Variants in INTS7 observed in about 807,000 individuals in gnomAD.
The protein encoded by INTS7 is chromosome 1 open reading frame 73.
INTS7 carries 46 observed loss-of-function variants against 109.2 expected under a neutral mutation model. The ratio of observed to expected loss-of-function variants is 0.42; its 90% CI spans 0.33 to 0.54. INTS7 has a LOEUF of 0.54. INTS7 is among the 20% of genes least tolerant of loss of function. INTS7 has a pLI of 0.07. For missense variants in INTS7, 929 were observed against 1,132.4 expected (o/e 0.82, Z 2.58); for synonymous variants, 412 against 402.9 (o/e 1.02, Z -0.27).
intron 5 of INTS7, among the ~76,000 whole-genome samples, chr1:212,007,792 C>T (rs1375028297): frequency 6.6e-6 from 1 of 152,124 alleles, no homozygotes; most frequent in East Asian, 1.9e-4. Flanking sequence ...TACACAAACA[C>T]ACACACTTGA....
chr1:211,950,483 G>A (rs975018894), intron 17 of INTS7, among the ~76,000 whole-genome samples: 1 of 151,934 alleles, frequency 6.6e-6, no homozygotes, highest in Admixed American at 6.6e-5. Flanking sequence ...TGTTGGGCAT[G>A]CTAGTCTAGA....
At chr1:212,014,950 C>T (rs897635382) in intron 4 of INTS7, among the ~76,000 whole-genome samples, 6 of 152,224 alleles carry the variant, frequency 3.9e-5, no homozygotes, top group Non-Finnish European at 8.8e-5. Flanking sequence ...TGTGCCCGGC[C>T]GCCACCCCGT....
At position 211,974,270 on chromosome 1, in the gene INTS7, A is replaced by ATAT. The variant is rs1664306386; in HGVS notation, c.1815+895_1815+896insATA. 7.4e-4 allele frequency among the ~76,000 whole-genome samples: 75 copies of ATAT among 101,880 alleles called. 1 individual carries two copies. Among genetic ancestry groups the ATAT allele is most frequent in the African/African-American group, 2.7e-3 (72 of 27,042 alleles). The allele number at this position is 101,880 out of a possible 152,430, so 66.8% of individuals were successfully genotyped here. On this transcript the variant is annotated intron_variant, in intron 13 of 19. Transcript: ENST00000366994. ...AGGAAACAACAATCTCTTCCCAGAA[A>ATAT]AAAAAAATATATATATATATATATA...
intron 13 of INTS7, among the ~76,000 whole-genome samples, chr1:211,974,527 G>A (rs1354348837): frequency 2.6e-5 from 4 of 151,610 alleles, no homozygotes; most frequent in Non-Finnish European, 4.4e-5. Context: ...AATGTTTAAC[G>A]TTGATTATAT....
Position 211,946,398 on chromosome 1 carries a change from G to A in INTS7, c.2415+209C>T, listed in dbSNP as rs920864795. On this transcript the variant is annotated intron_variant, in intron 18 of 19. Coordinates refer to ENST00000366994, the MANE Select transcript of INTS7 (RefSeq NM_015434.4). This position sits in a 1 kb window ranked among gnomAD's most constrained non-coding sequence, Gnocchi z 4.3. ...CTTGGGAGGCTGAGGCAGGAGAATC[G>A]CTTGAACCCGGAGGTTGCGGTGAGC... is the stretch of plus-strand genomic sequence containing the variant. 1.1e-4 allele frequency among the ~76,000 whole-genome samples: 17 copies of A among 152,244 alleles called. No homozygotes were observed. The highest frequency in any genetic ancestry group is 1.6e-4 in the Non-Finnish European group (11 of 68,002).
At chr1:212,003,803 A>G (rs1229605984) in intron 7 of INTS7, among the ~76,000 whole-genome samples, 1 of 152,224 alleles carries the variant, frequency 6.6e-6, no homozygotes, top group Non-Finnish European at 1.5e-5. Context: ...GATAACAACT[A>G]AAAGAATATT....
intron 4 of INTS7, among the ~76,000 whole-genome samples, chr1:212,015,417 C>G (rs1009539205): frequency 1.3e-5 from 2 of 151,832 alleles, no homozygotes; most frequent in Non-Finnish European, 1.5e-5. Context: ...CCCCAACCCC[C>G]TGCTCTCTGA....
At chr1:212,024,571 C>G (rs1666840969) in intron 1 of INTS7, among the ~76,000 whole-genome samples, 2 of 152,118 alleles carry the variant, frequency 1.3e-5, no homozygotes, top group Non-Finnish European at 2.9e-5. Flanking sequence ...TGCAAATATT[C>G]ACAGCAGCTT....
Position 211,968,712 on chromosome 1 carries a change from G to GAAAAA in INTS7, c.1816-10_1816-6dup, listed in dbSNP as rs11322485. The GAAAAA allele has an allele frequency of 1.4e-6, 2 of 1,384,966 alleles. No individual in the cohort carries two copies. The highest frequency in any genetic ancestry group is 9.8e-7 in the Non-Finnish European group (1 of 1,016,102). 85.8% of individuals were successfully genotyped at this position (1,384,966 alleles called of 1,614,324 possible). On this transcript the variant is annotated splice_polypyrimidine_tract_variant and splice_region_variant and intron_variant, in intron 13 of 19. Coordinates refer to ENST00000366994, the MANE Select transcript of INTS7 (RefSeq NM_015434.4). ...ATTCAGTGGTGTACTAGCTGCCTGG[G>GAAAAA]AAAAAAAAAAAAAAGAGATATTTAA...
chr1:211,969,753 T>C (rs1664087604), intron 13 of INTS7, among the ~76,000 whole-genome samples: 1 of 150,578 alleles, frequency 6.6e-6, no homozygotes. Flanking sequence ...AGTTTCGCTC[T>C]TGTTGCCCAA....
chr1:211,962,946 C>T (rs1487454495), intron 16 of INTS7, among the ~76,000 whole-genome samples: 1 of 152,090 alleles, frequency 6.6e-6, no homozygotes, highest in Non-Finnish European at 1.5e-5. Context: ...TACAAAGTAA[C>T]ATCACAACTA....
intron 2 of INTS7, 29 bp from the exon 3 acceptor site, chr1:212,020,297 C>G: frequency 7.3e-7 from 1 of 1,378,670 alleles, no homozygotes; most frequent in Non-Finnish European, 9.9e-7. Flanking sequence ...AATTAGGTCA[C>G]TTTAGAAAGT....
chr1:211,976,046 C>T (rs1052628515), intron 12 of INTS7, among the ~76,000 whole-genome samples: 17 of 152,046 alleles, frequency 1.1e-4, no homozygotes, highest in East Asian at 1.9e-4. Flanking sequence ...GAGATTTGTC[C>T]GCCTTGGCCT....
intron 18 of INTS7, among the ~76,000 whole-genome samples, chr1:211,945,576 A>AACT (rs1485409672): frequency 6.6e-6 from 1 of 152,226 alleles, no homozygotes; most frequent in Admixed American, 6.5e-5. Flanking sequence ...AATGTTGTTG[A>AACT]ACTACTGATC....
intron 12 of INTS7, 95 bp from the exon 13 acceptor site, chr1:211,975,467 C>T (rs1664377356): frequency 1.2e-6 from 1 of 861,966 alleles, no homozygotes; most frequent in East Asian, 2.4e-5. Context: ...AAAGAGAAAC[C>T]CAAACCTTGG....
intron 7 of INTS7, among the ~76,000 whole-genome samples, chr1:212,005,766 A>G (rs1024753387): frequency 6.6e-5 from 10 of 152,220 alleles, no homozygotes; most frequent in African/African-American, 2.4e-4. Flanking sequence ...TACTTCTCTT[A>G]AGATGCTCTC....
At position 211,959,096 on chromosome 1, in the gene INTS7, T is replaced by C. The variant is rs954388991; in HGVS notation, c.2184-6395A>G. On this transcript the variant is annotated intron_variant, in intron 16 of 19. Coordinates refer to ENST00000366994, the MANE Select transcript of INTS7 (RefSeq NM_015434.4). This position sits in a 1 kb window ranked among gnomAD's most constrained non-coding sequence, Gnocchi z 4.2. ...CTGGCAGGAGATTCCTCGACCACTATGGACACTTGAGTTGGCACAGAGGGC... is the reference window on the plus strand; with the variant it reads ...CTGGCAGGAGATTCCTCGACCACTACGGACACTTGAGTTGGCACAGAGGGC... Among the ~76,000 whole-genome samples the C allele has an allele frequency of 6.6e-6, 1 of 152,128 alleles. No individual in the cohort carries two copies. Among genetic ancestry groups the C allele is most frequent in the Admixed American group, 6.5e-5 (1 of 15,270 alleles).
At position 211,968,500 on chromosome 1, in the gene INTS7, A is replaced by C. The variant is rs758020459; in HGVS notation, c.2010+13T>G. 1 of 1,599,162 alleles carries C rather than the reference A, an allele frequency of 6.3e-7. No homozygotes were observed. The highest frequency in any genetic ancestry group is 1.7e-4 in the Middle Eastern group (1 of 5,978). On this transcript the variant is annotated intron_variant, in intron 14 of 19. Transcript: ENST00000366994. ...AAGTGTAAATAAAAAATGCACTGAA[A>C]GTTAAGACATGCCTGATTGGAGATG...
intron 16 of INTS7, among the ~76,000 whole-genome samples, chr1:211,964,751 G>C (rs1037711029): frequency 6.6e-6 from 1 of 152,124 alleles, no homozygotes; most frequent in African/African-American, 2.4e-5. Context: ...GATGGTGCTG[G>C]GATAACCGAT....
Sources: allele counts gnomAD v4.1 joint callset (sites outside exome capture counted in the v4.1 genomes callset), GRCh38; gene constraint gnomAD v4.1.1; non-coding constraint Gnocchi (gnomAD v3.1); transcripts MANE v1.5; gene names NCBI Gene and HGNC (gene_info 2026-07-23, HGNC 2026-07-21).